The following CUL5 variants were observed in gnomAD, a reference collection of about 807,000 sequenced individuals.
CUL5 encodes the protein cullin 5.
Under a neutral mutation model 108.8 loss-of-function variants are expected in CUL5, and 26 were observed. The ratio of observed to expected loss-of-function variants is 0.24; its 90% CI spans 0.18 to 0.33. The LOEUF (loss-of-function observed/expected upper bound fraction) is 0.33, where lower values mean the gene tolerates loss of function less well. Among genes scored for constraint, CUL5 ranks in the 10% least tolerant of loss-of-function variants. The probability of loss-of-function intolerance (pLI) is 1.00; values close to 1 mark genes in which losing one functional copy is unlikely to be tolerated. For synonymous variants in CUL5, 334 were observed against 298.0 expected (o/e 1.12, Z -1.25); for missense variants, 524 against 909.2 (o/e 0.58, Z 5.45).
intron 11 of CUL5, among the ~76,000 whole-genome samples, 153 bp downstream of exon 11, chr11:108,078,393 T>G (rs1480097837): frequency 1.3e-5 from 2 of 149,538 alleles, no homozygotes; most frequent in Non-Finnish European, 3.0e-5. Flanking sequence ...TCATTTATAA[T>G]TTTTTATTAA....
At chr11:108,094,560 A>G in intron 14 of CUL5, 46 bp downstream of exon 14, 1 of 1,097,664 alleles carries the variant, frequency 9.1e-7, no homozygotes, top group Non-Finnish European at 1.3e-6. Context: ...ACTTAGAAGA[A>G]TATCTTTGTT....
intron 1 of CUL5, among the ~76,000 whole-genome samples, chr11:108,012,971 C>T (rs947040276): frequency 4.6e-5 from 7 of 152,102 alleles, no homozygotes; most frequent in African/African-American, 1.2e-4. Flanking sequence ...GAAAAGCAGC[C>T]CCCATTTGCT....
chr11:108,104,511 C>T lies in CUL5; in HGVS notation c.*127C>T. 1.7e-6 allele frequency: 1 copy of T among 598,944 alleles called. No individual in the cohort carries two copies. Among genetic ancestry groups the T allele is most frequent in the Non-Finnish European group, 2.8e-6 (1 of 355,388 alleles). The allele number at this position is 598,944 out of a possible 1,614,324, so 37.1% of individuals were successfully genotyped here. On this transcript the variant is annotated 3_prime_UTR_variant, in exon 19 of 19. Transcript: ENST00000393094. ...CATAAATATTAAAATCTCTGCCTTACCTTACAAAAACAACTATATTTTGCC... is the reference window on the plus strand; with the variant it reads ...CATAAATATTAAAATCTCTGCCTTATCTTACAAAAACAACTATATTTTGCC...
intron 13 of CUL5, among the ~76,000 whole-genome samples, chr11:108,093,466 T>C (rs1026504138): frequency 6.6e-6 from 1 of 152,244 alleles, no homozygotes; most frequent in Non-Finnish European, 1.5e-5. Context: ...ACTACCACAG[T>C]CAGCTTTCTT....
At chr11:108,017,756 A>G (rs11212486) in intron 1 of CUL5, among the ~76,000 whole-genome samples, 38,782 of 151,630 alleles carry the variant, frequency 0.26, 5,473 homozygotes, top group African/African-American at 0.36. Flanking sequence ...AGGCTGAGGC[A>G]GGAGGATTGC....
Position 108,106,529 on chromosome 11 carries a change from T to C in CUL5, c.*2145T>C, listed in dbSNP as rs1240042124. 1 of 108,264 alleles carries C rather than the reference T, an allele frequency of 9.2e-6. No homozygotes were observed. The highest frequency in any genetic ancestry group is 1.8e-5 in the Non-Finnish European group (1 of 55,122). 6.7% of individuals were successfully genotyped at this position (108,264 alleles called of 1,614,324 possible). On this transcript the variant is annotated 3_prime_UTR_variant, in exon 19 of 19. Coordinates refer to ENST00000393094, the MANE Select transcript of CUL5 (RefSeq NM_003478.6). ...TGAACAGCAGCAAATACTGTAAATG[T>C]ACAGTTTTCTTTTTTTTTTTTTTTT...
intron 7 of CUL5, among the ~76,000 whole-genome samples, chr11:108,058,163 T>A (rs1863438709): frequency 7.0e-6 from 1 of 143,624 alleles, no homozygotes; most frequent in Non-Finnish European, 1.5e-5. Context: ...GAGCCGAGAT[T>A]GCGCCACCAC....
chr11:108,101,160 A>G (rs1401780687), intron 18 of CUL5, among the ~76,000 whole-genome samples: 1 of 152,254 alleles, frequency 6.6e-6, no homozygotes, highest in African/African-American at 2.4e-5. Flanking sequence ...GTCTTTAGGT[A>G]ATGCTCAGAC....
chr11:108,095,893 C>T (rs1035151567), intron 16 of CUL5, among the ~76,000 whole-genome samples: 4 of 150,560 alleles, frequency 2.7e-5, no homozygotes, highest in East Asian at 2.0e-4. Context: ...GTCAGGAGTT[C>T]GAGACCAGCC....
chr11:108,064,316 T>C (rs879754589), intron 7 of CUL5, among the ~76,000 whole-genome samples: 9 of 152,250 alleles, frequency 5.9e-5, no homozygotes, highest in Non-Finnish European at 1.3e-4. Context: ...GTTGATGTGA[T>C]GTATCATTTG....
intron 7 of CUL5, among the ~76,000 whole-genome samples, chr11:108,068,059 G>A (rs1024321516): frequency 6.6e-6 from 1 of 152,006 alleles, no homozygotes; most frequent in Non-Finnish European, 1.5e-5. Context: ...CTCCCGAGTA[G>A]CTGGGATTAC....
chr11:108,026,894 C>T (rs1459497420), intron 1 of CUL5, among the ~76,000 whole-genome samples: 1 of 148,716 alleles, frequency 6.7e-6, no homozygotes, highest in East Asian at 2.0e-4. Flanking sequence ...GAGGCTGAGG[C>T]AGGAAAACCA....
At chr11:108,013,966 G>A (rs1469136102) in intron 1 of CUL5, among the ~76,000 whole-genome samples, 1 of 152,158 alleles carries the variant, frequency 6.6e-6, no homozygotes, top group African/African-American at 2.4e-5. Flanking sequence ...CATATGCAAG[G>A]TACCATGGAG....
chr11:108,038,599 C>G (rs1055851445), intron 2 of CUL5, among the ~76,000 whole-genome samples: 1 of 151,210 alleles, frequency 6.6e-6, no homozygotes, highest in African/African-American at 2.4e-5. Context: ...CACTTGAATC[C>G]GGCAGGCAGA....
intron 2 of CUL5, among the ~76,000 whole-genome samples, chr11:108,043,351 G>C (rs1236677227): frequency 6.6e-6 from 1 of 152,230 alleles, no homozygotes; most frequent in African/African-American, 2.4e-5. Flanking sequence ...TAGGATTACA[G>C]ACATGAGCCA....
At chr11:108,037,467 T>A (rs563438087) in intron 2 of CUL5, among the ~76,000 whole-genome samples, 2 of 152,318 alleles carry the variant, frequency 1.3e-5, no homozygotes, top group East Asian at 3.9e-4. Flanking sequence ...TGTAGTTGTA[T>A]TCATGGCTAT....
In CUL5 at chr11:108,009,201, G is replaced by T; in HGVS notation, c.-148G>T. On this transcript the variant is annotated 5_prime_UTR_variant, in exon 1 of 19. Coordinates refer to ENST00000393094, the MANE Select transcript of CUL5 (RefSeq NM_003478.6). ...TCCTGGTGCTTGGGACGAGGTCAGCGCTGTCGGCGCGCTGCTCCAGCGCCC... is the reference window on the plus strand; with the variant it reads ...TCCTGGTGCTTGGGACGAGGTCAGCTCTGTCGGCGCGCTGCTCCAGCGCCC... The T allele has an allele frequency of 2.7e-6, 2 of 750,064 alleles. No individual in the cohort carries two copies. Among genetic ancestry groups the T allele is most frequent in the Admixed American group, 5.1e-5 (2 of 38,864 alleles). The allele number at this position is 750,064 out of a possible 1,614,324, so 46.5% of individuals were successfully genotyped here.
At chr11:108,081,034 C>A (rs944677928) in intron 11 of CUL5, among the ~76,000 whole-genome samples, 1 of 151,930 alleles carries the variant, frequency 6.6e-6, no homozygotes, top group Non-Finnish European at 1.5e-5. Context: ...CGCCTGTAAT[C>A]CCAGCACTTT....
At chr11:108,040,511 C>G (rs1156574813) in intron 2 of CUL5, among the ~76,000 whole-genome samples, 1 of 150,222 alleles carries the variant, frequency 6.7e-6, no homozygotes, top group Admixed American at 6.7e-5. Flanking sequence ...ACTTGGCCAG[C>G]TGAGGCACGA....
Sources: gnomAD v4.1 joint callset for allele counts (sites outside exome capture counted in the v4.1 genomes callset) on GRCh38, gnomAD v4.1.1 for gene constraint, MANE v1.5 for transcripts, NCBI Gene and HGNC (gene_info 2026-07-23, HGNC 2026-07-21) for gene names.